Variants in ADAMTS20 observed in about 807,000 individuals in gnomAD.
ADAMTS20 encodes the protein ADAM metallopeptidase with thrombospondin type 1 motif 20.
ADAMTS20 carries 225 observed loss-of-function variants against 260.1 expected under a neutral mutation model. The observed-to-expected ratio is 0.87, with a 90% CI of 0.78 to 0.97. The LOEUF is 0.97. Among genes scored for constraint, ADAMTS20 ranks in the 50% least tolerant of loss-of-function variants. The pLI is 0.00. For synonymous variants in ADAMTS20, 802 were observed against 769.5 expected, an observed-to-expected ratio of 1.04 and a Z score of -0.70; for missense variants, 2,400 against 2,337.7, an observed-to-expected ratio of 1.03 and a Z score of -0.55.
intron 29 of ADAMTS20, among the ~76,000 whole-genome samples, chr12:43,395,002 T>A (rs544560887): frequency 2.0e-5 from 3 of 152,292 alleles, no homozygotes; most frequent in Admixed American, 2.0e-4. Flanking sequence ...CAACCATTTA[T>A]GCCTTGAAAA....
At chr12:43,376,746 A>G (rs529566253) in intron 32 of ADAMTS20, 93 bp from the exon 33 acceptor site, 1 of 1,439,878 alleles carries the variant, frequency 6.9e-7, no homozygotes, top group Non-Finnish European at 9.3e-7. Context: ...GTATTTCTGG[A>G]GCACACTGAG....
At chr12:43,403,798 A>G (rs1364578527) in intron 28 of ADAMTS20, among the ~76,000 whole-genome samples, 1 of 152,124 alleles carries the variant, frequency 6.6e-6, no homozygotes, top group African/African-American at 2.4e-5. Flanking sequence ...CATAAAGCAA[A>G]TGGAATAGTG....
intron 16 of ADAMTS20, among the ~76,000 whole-genome samples, chr12:43,440,563 G>T (rs1339915664): frequency 1.3e-5 from 2 of 152,166 alleles, no homozygotes; most frequent in Non-Finnish European, 2.9e-5. Context: ...AATAAGTTAG[G>T]TAACTTCAGC....
rs377535048 is a variant in ADAMTS20 at position 43,452,496 on chromosome 12, C to T, written c.1942+18G>A. ...TCTCAGAAAAATTTACATCAAAGAA[C>T]CAGCATAATTTACTTACTGCCACTG... is the stretch of plus-strand genomic sequence containing the variant. On this transcript the variant is annotated intron_variant, in intron 13 of 38. Coordinates refer to ENST00000389420, the MANE Select transcript of ADAMTS20 (RefSeq NM_025003.5). The T allele has an allele frequency of 6.2e-7, 1 of 1,607,210 alleles. No individual in the cohort carries two copies. The highest frequency in any genetic ancestry group is 8.5e-7 in the Non-Finnish European group (1 of 1,175,990).
intron 18 of ADAMTS20, 52 bp downstream of exon 18, chr12:43,439,570 T>C: frequency 6.4e-7 from 1 of 1,558,936 alleles, no homozygotes; most frequent in Non-Finnish European, 8.6e-7. Flanking sequence ...GTACCCAAAA[T>C]GATGCCAGAA....
chr12:43,532,095 A>G lies in ADAMTS20; in HGVS notation c.554T>C (p.Ile185Thr), dbSNP rs1943229407. The change falls in exon 3 of 39, where the codon ATA (isoleucine) becomes ACA (threonine). Residue 185 changes from isoleucine to threonine, a missense_variant. Physicochemically the swap from Ile to Thr is moderately conservative, Grantham distance 89. Transcript: ENST00000389420. The part of the protein sequence containing the change: ...YEDGHNKPHL[I>T]YRQDLNNSFL... ...AGAGTTATTTAAGTCTTGTCTGTAT[A>G]TAAGATGTGGCTTGTTGTGACCATC... is the stretch of plus-strand genomic sequence containing the variant. The G allele has an allele frequency of 1.5e-5, 24 of 1,612,582 alleles. No individual in the cohort carries two copies. Among genetic ancestry groups the G allele is most frequent in the Non-Finnish European group, 2.0e-5 (24 of 1,179,264 alleles).
At chr12:43,459,283 C>G (rs890582617) in intron 11 of ADAMTS20, among the ~76,000 whole-genome samples, 1 of 152,192 alleles carries the variant, frequency 6.6e-6, no homozygotes, top group Non-Finnish European at 1.5e-5. Context: ...CCGCTCCCCA[C>G]AGGGCTAAAG....
chr12:43,535,119 T>C (rs1691814812), intron 2 of ADAMTS20, among the ~76,000 whole-genome samples: 2 of 152,156 alleles, frequency 1.3e-5, no homozygotes, highest in African/African-American at 2.4e-5. Flanking sequence ...TTGATTTCTT[T>C]AGCACATTTA....
At chr12:43,482,714 C>T (rs1194591279) in intron 7 of ADAMTS20, among the ~76,000 whole-genome samples, 1 of 152,142 alleles carries the variant, frequency 6.6e-6, no homozygotes, top group Admixed American at 6.6e-5. Context: ...ACACAAAAGA[C>T]AAGGACACTT....
chr12:43,491,435 T>C (rs1007788199), intron 6 of ADAMTS20, among the ~76,000 whole-genome samples: 1 of 152,216 alleles, frequency 6.6e-6, no homozygotes, highest in African/African-American at 2.4e-5. Context: ...ATGTTAGCTA[T>C]ATTACATTGG....
rs548779805 is a variant in ADAMTS20 at position 43,378,523 on chromosome 12, A to G, written c.4798-961T>C. Among the ~76,000 whole-genome samples the G allele has an allele frequency of 9.8e-5, 15 of 152,360 alleles. No homozygotes were observed. In the East Asian group the frequency reaches 2.1e-3, roughly 22 times the overall value. The stretch of plus-strand genomic sequence containing the variant: ...AGAGAGGAACAGTTAACCCTAGATT[A>G]AACAATATACTGATCTGCCTACAAA... On this transcript the variant is annotated intron_variant, in intron 31 of 38. Transcript: ENST00000389420.
chr12:43,487,630 G>A (rs1463495266), intron 7 of ADAMTS20, among the ~76,000 whole-genome samples: 1 of 152,038 alleles, frequency 6.6e-6, no homozygotes, highest in African/African-American at 2.4e-5. Context: ...AGTTGTACAT[G>A]ACACATTGAA....
chr12:43,454,651 A>G lies in ADAMTS20; in HGVS notation c.1615-599T>C, dbSNP rs530805321. ...GTCAATCCCCCTGCTTGTGTACTTAATCCATCCCTTCTCACTACACCAAAC... is the reference window on the plus strand; with the variant it reads ...GTCAATCCCCCTGCTTGTGTACTTAGTCCATCCCTTCTCACTACACCAAAC... On this transcript the variant is annotated intron_variant, in intron 11 of 38. Coordinates refer to ENST00000389420, the MANE Select transcript of ADAMTS20 (RefSeq NM_025003.5). Among the ~76,000 whole-genome samples the G allele has an allele frequency of 3.3e-5, 5 of 152,182 alleles. 1 individual carries two copies. In the South Asian group the frequency reaches 1.0e-3, roughly 32 times the overall value.
intron 28 of ADAMTS20, among the ~76,000 whole-genome samples, chr12:43,410,103 G>C (rs934265247): frequency 1.3e-5 from 2 of 151,672 alleles, no homozygotes; most frequent in African/African-American, 2.4e-5. Context: ...TGCACCTCTC[G>C]TTTTTTTTCA....
At chr12:43,390,665 T>C (rs142585906) in intron 29 of ADAMTS20, among the ~76,000 whole-genome samples, 5 of 152,326 alleles carry the variant, frequency 3.3e-5, no homozygotes, top group South Asian at 2.1e-4. Flanking sequence ...CGAGCAAGCA[T>C]GGACTTTCCT....
Position 43,551,349 on chromosome 12 carries a change from C to A in ADAMTS20, c.92-79G>T. 6.6e-7 allele frequency: 1 copy of A among 1,526,336 alleles called. No individual in the cohort carries two copies. The highest frequency in any genetic ancestry group is 8.8e-7 in the Non-Finnish European group (1 of 1,137,810). The allele number at this position is 1,526,336 out of a possible 1,614,324, so 94.5% of individuals were successfully genotyped here. On this transcript the variant is annotated intron_variant, in intron 1 of 38. Transcript: ENST00000389420. The surrounding 1 kb of genome is among the most constrained non-coding windows in gnomAD (Gnocchi z 4.6). ...CTCTAAACTTCTTCCACCAAACGTC[C>A]CCGCTAAAGGTCCCAGGTCCCAGTA...
chr12:43,524,600 G>A (rs1325755925), intron 3 of ADAMTS20, among the ~76,000 whole-genome samples: 1 of 151,626 alleles, frequency 6.6e-6, no homozygotes. Context: ...CTAACATAAA[G>A]AAATTTAAAA....
At chr12:43,423,245 C>G (rs540843978) in intron 28 of ADAMTS20, 1 of 154,410 alleles carries the variant, frequency 6.5e-6, no homozygotes, top group South Asian at 2.0e-4. Context: ...GCAAAACCAG[C>G]CATAGATAAC....
intron 18 of ADAMTS20, among the ~76,000 whole-genome samples, chr12:43,436,906 G>A (rs1941566827): frequency 1.3e-5 from 2 of 152,154 alleles, no homozygotes; most frequent in South Asian, 4.1e-4. Context: ...TAACATTTGA[G>A]ACTTCTCTCC....
Sources: gnomAD v4.1 joint callset for allele counts (sites outside exome capture counted in the v4.1 genomes callset) on GRCh38, gnomAD v4.1.1 for gene constraint, Gnocchi (gnomAD v3.1) non-coding constraint, MANE v1.5 for transcripts, NCBI Gene and HGNC (gene_info 2026-07-23, HGNC 2026-07-21) for gene names.